CADPS: variants seen among roughly 807,000 people sequenced by gnomAD.
CADPS encodes the protein calcium dependent secretion activator, also known as calcium-dependent secretion activator 1.
Under a neutral mutation model 167.3 loss-of-function variants are expected in CADPS, and 57 were observed. That is an observed-to-expected ratio of 0.34 (90% CI 0.28 to 0.42). The LOEUF (loss-of-function observed/expected upper bound fraction) is 0.42. CADPS is among the 20% of genes least tolerant of loss of function. The pLI, the probability that CADPS is intolerant of heterozygous loss-of-function variation, is 1.00. For missense variants in CADPS, 1,414 were observed against 1,738.1 expected, an observed-to-expected ratio of 0.81 and a Z score of 3.32; for synonymous variants, 676 against 635.3, an observed-to-expected ratio of 1.06 and a Z score of -0.96.
intron 17 of CADPS, chr3:62,499,490 C>A: frequency 1.6e-5 from 6 of 374,462 alleles, no homozygotes; most frequent in Non-Finnish European, 3.0e-5. Flanking sequence ...GCTCCAGCTT[C>A]AAATTTGCAT....
At position 62,874,010 on chromosome 3, in the gene CADPS, CAG is replaced by C. The variant is rs946521737; in HGVS notation, c.441+577_441+578del. Among the ~76,000 whole-genome samples the C allele has an allele frequency of 1.3e-5, 2 of 152,238 alleles. No homozygotes were observed. The highest frequency in any genetic ancestry group is 4.8e-5 in the African/African-American group (2 of 41,476). On this transcript the variant is annotated intron_variant, in intron 1 of 29. Transcript: ENST00000383710. The surrounding 1 kb of genome is among the most constrained non-coding windows in gnomAD (Gnocchi z 7.1). ...GGCAGGGAGAGGAGGGTGCCCTTCG[CAG>C]AGTCACGGGAAGCTTCGCCTTCTGG...
At chr3:62,850,711 G>A (rs1267431921) in intron 1 of CADPS, among the ~76,000 whole-genome samples, 2 of 151,812 alleles carry the variant, frequency 1.3e-5, no homozygotes, top group African/African-American at 4.8e-5. Flanking sequence ...GTCAATTTTG[G>A]AATAGGTGTG....
At chr3:62,817,789 C>A (rs1369223277) in intron 1 of CADPS, among the ~76,000 whole-genome samples, 1 of 152,102 alleles carries the variant, frequency 6.6e-6, no homozygotes, top group East Asian at 1.9e-4. Flanking sequence ...TAAATTGGTA[C>A]AATGTGAACA....
At chr3:62,779,426 T>A (rs2091103410) in intron 1 of CADPS, 1 of 504,164 alleles carries the variant, frequency 2.0e-6, no homozygotes, top group African/African-American at 2.0e-5. Flanking sequence ...ATTTCATTCT[T>A]GATTATTCTG....
intron 3 of CADPS, among the ~76,000 whole-genome samples, chr3:62,704,862 G>A (rs1040471627): frequency 3.3e-5 from 5 of 152,098 alleles, no homozygotes; most frequent in South Asian, 2.1e-4. Context: ...ATCAATTAAC[G>A]AATCACAGCA....
intron 28 of CADPS, among the ~76,000 whole-genome samples, chr3:62,410,933 C>T (rs116056306): frequency 3.9e-5 from 6 of 152,078 alleles, no homozygotes; most frequent in East Asian, 1.9e-4. Context: ...AGTGAGACAC[C>T]GTCTCTACAA....
Position 62,478,100 on chromosome 3 carries a change from G to A in CADPS, c.3329+161C>T. ...ACAGATGGAGGGCAGGTGAATGGAA[G>A]TTAGACGTTGACAGCCACTACTCCA... On this transcript the variant is annotated intron_variant, in intron 23 of 29. Transcript: ENST00000383710. This position sits in a 1 kb window ranked among gnomAD's most constrained non-coding sequence, Gnocchi z 5.7. The A allele has an allele frequency of 2.8e-6, 2 of 720,708 alleles. No individual in the cohort carries two copies. The highest frequency in any genetic ancestry group is 1.8e-5 in the African/African-American group (1 of 56,930). 44.6% of individuals were successfully genotyped at this position (720,708 alleles called of 1,614,324 possible). A position where few individuals can be genotyped will look rare whatever the true frequency, so the allele number is the denominator to read the frequency against.
chr3:62,520,200 T>C (rs576821713), intron 13 of CADPS, among the ~76,000 whole-genome samples: 1 of 152,192 alleles, frequency 6.6e-6, no homozygotes, highest in Non-Finnish European at 1.5e-5. Context: ...GAGATAAATA[T>C]CTCTGTGAAT....
At chr3:62,757,558 AC>A (rs1447810620) in intron 2 of CADPS, among the ~76,000 whole-genome samples, 1 of 152,144 alleles carries the variant, frequency 6.6e-6, no homozygotes, top group Non-Finnish European at 1.5e-5. Flanking sequence ...GAGAAGGTCA[AC>A]GGGAAACCAG....
chr3:62,541,103 G>C (rs2075611974), intron 11 of CADPS, among the ~76,000 whole-genome samples: 1 of 152,172 alleles, frequency 6.6e-6, no homozygotes, highest in East Asian at 1.9e-4. Flanking sequence ...ATGATCTCTT[G>C]CTTTGGGAGA....
At chr3:62,553,955 G>A (rs1238304326) in intron 10 of CADPS, among the ~76,000 whole-genome samples, 4 of 152,182 alleles carry the variant, frequency 2.6e-5, no homozygotes, top group Non-Finnish European at 5.9e-5. Context: ...GACACGTCTG[G>A]GAATAGATGG....
chr3:62,585,710 C>T (rs1462336056), intron 7 of CADPS, among the ~76,000 whole-genome samples: 1 of 152,222 alleles, frequency 6.6e-6, no homozygotes, highest in Non-Finnish European at 1.5e-5. Flanking sequence ...CACTCTTTTT[C>T]TCCATTCTTT....
rs148284541 is a variant in CADPS at position 62,799,016 on chromosome 3, G to A, written c.442-33032C>T. Among the ~76,000 whole-genome samples the A allele has an allele frequency of 1.8e-3, 274 of 152,218 alleles. 1 individual carries two copies. Among genetic ancestry groups the A allele is most frequent in the African/African-American group, 6.4e-3 (267 of 41,548 alleles). ...GCCATTCCTAGTATTACCCTATAGA[G>A]CTGCTTGTCCAAGCTTTACCTGATG... is the stretch of plus-strand genomic sequence containing the variant. On this transcript the variant is annotated intron_variant, in intron 1 of 29. Coordinates refer to ENST00000383710, the MANE Select transcript of CADPS (RefSeq NM_003716.4).
intron 1 of CADPS, among the ~76,000 whole-genome samples, chr3:62,831,074 C>G (rs949988312): frequency 6.6e-6 from 1 of 152,122 alleles, no homozygotes; most frequent in Admixed American, 6.5e-5. Context: ...TAAATCACCA[C>G]CACTTTAAGG....
intron 1 of CADPS, chr3:62,779,701 C>T: frequency 2.1e-6 from 1 of 476,488 alleles, no homozygotes. Flanking sequence ...TGATCAATAA[C>T]ATCTACAGTT....
rs1174618259 is a variant in CADPS at position 62,753,777 on chromosome 3, A to G, written c.556-4T>C. ...CACGGTCGCTCTTCAGGAACACCTG[A>G]GCAAGAACAAGGCCAGGAAAGACAG... On this transcript the variant is annotated splice_polypyrimidine_tract_variant and splice_region_variant and intron_variant, in intron 2 of 29. Coordinates refer to ENST00000383710, the MANE Select transcript of CADPS (RefSeq NM_003716.4). The surrounding 1 kb of genome is among the most constrained non-coding windows in gnomAD (Gnocchi z 4.6). The G allele has an allele frequency of 5.6e-6, 9 of 1,607,852 alleles. No homozygotes were observed. In the African/African-American group the frequency reaches 6.7e-5, roughly 12 times the overall value.
intron 11 of CADPS, among the ~76,000 whole-genome samples, chr3:62,540,429 AGGGGTT>A: frequency 6.6e-6 from 1 of 152,004 alleles, no homozygotes; most frequent in African/African-American, 2.4e-5. Context: ...GGTCCTCAGG[AGGGGTT>A]ATTAACTGGC....
intron 1 of CADPS, among the ~76,000 whole-genome samples, chr3:62,773,899 T>G (rs186551835): frequency 6.6e-6 from 1 of 152,192 alleles, no homozygotes; most frequent in Non-Finnish European, 1.5e-5. Context: ...TATTTAATAA[T>G]AGACCAATCA....
Position 62,874,525 on chromosome 3 carries a change from T to C in CADPS, c.441+64A>G, listed in dbSNP as rs1358987119. On this transcript the variant is annotated intron_variant, in intron 1 of 29. Coordinates refer to ENST00000383710, the MANE Select transcript of CADPS (RefSeq NM_003716.4). The surrounding 1 kb of genome is among the most constrained non-coding windows in gnomAD (Gnocchi z 7.1). ...TCGCCAGCTGCGCCGCCAGCTCCCA[T>C]TGTTCACCCCGCCCGCCTGGCGACG... is the stretch of plus-strand genomic sequence containing the variant. 97 of 1,302,384 alleles carry C rather than the reference T, an allele frequency of 7.4e-5. 1 individual carries two copies. Among genetic ancestry groups the C allele is most frequent in the Non-Finnish European group, 1.1e-6 (1 of 933,094 alleles). The allele number at this position is 1,302,384 out of a possible 1,614,324, so 80.7% of individuals were successfully genotyped here.
Sources: allele counts gnomAD v4.1 joint callset (sites outside exome capture counted in the v4.1 genomes callset), GRCh38; gene constraint gnomAD v4.1.1; non-coding constraint Gnocchi (gnomAD v3.1); transcripts MANE v1.5; gene names NCBI Gene and HGNC (gene_info 2026-07-23, HGNC 2026-07-21).